The following RMDN2 variants were observed in gnomAD, a reference collection of about 807,000 sequenced individuals.
RMDN2 encodes regulator of microtubule dynamics 2.
In RMDN2, 61 loss-of-function variants were observed where a neutral mutation model predicts 52.8. The observed-to-expected ratio is 1.16, with a 90% CI of 0.94 to 1.43. RMDN2 has a LOEUF of 1.43. RMDN2 is among the 40% of genes most tolerant of loss of function. The pLI is 0.00. For missense variants in RMDN2, 592 were observed against 475.3 expected (o/e 1.25, Z -2.28); for synonymous variants, 180 against 153.1 (o/e 1.18, Z -1.30).
intron 10 of RMDN2, among the ~76,000 whole-genome samples, chr2:38,008,199 A>G (rs1401018892): frequency 6.6e-6 from 1 of 152,040 alleles, no homozygotes; most frequent in Non-Finnish European, 1.5e-5. Context: ...TGGGGTGGAG[A>G]GTTCTGTAGA....
intron 2 of RMDN2, among the ~76,000 whole-genome samples, chr2:37,961,029 T>C (rs919929466): frequency 5.3e-5 from 8 of 152,250 alleles, no homozygotes; most frequent in Admixed American, 3.9e-4. Flanking sequence ...CACTCTTTTC[T>C]GGCTTGTAGG....
At chr2:38,059,111 G>A (rs192639769) in intron 10 of RMDN2, among the ~76,000 whole-genome samples, 183 of 152,284 alleles carry the variant, frequency 1.2e-3, no homozygotes, top group African/African-American at 4.0e-3. Flanking sequence ...TGATGGAAGC[G>A]TTTTATATCT....
chr2:38,022,338 C>CT (rs1679447504), downstream of RMDN2, among the ~76,000 whole-genome samples: 6 of 152,182 alleles, frequency 3.9e-5, no homozygotes, highest in Admixed American at 3.9e-4. Flanking sequence ...CATGGGGAAT[C>CT]TCGTTTTCTA....
At chr2:38,011,160 A>AATTCAC in intron 10 of RMDN2, among the ~76,000 whole-genome samples, 1 of 152,342 alleles carries the variant, frequency 6.6e-6, no homozygotes, top group Non-Finnish European at 1.5e-5. Context: ...CTCAGTCCTC[A>AATTCAC]ATTCACAGCA....
chr2:38,032,574 T>C (rs1680285276), intron 10 of RMDN2, among the ~76,000 whole-genome samples: 1 of 152,232 alleles, frequency 6.6e-6, no homozygotes, highest in African/African-American at 2.4e-5. Flanking sequence ...GCACAGTGGC[T>C]CATGCCTGTA....
At chr2:38,038,164 A>G (rs1423295186) in intron 10 of RMDN2, among the ~76,000 whole-genome samples, 1 of 151,962 alleles carries the variant, frequency 6.6e-6, no homozygotes, top group Non-Finnish European at 1.5e-5. Context: ...AGCCAGCAAA[A>G]ATCTCAAGCC....
intron 10 of RMDN2, among the ~76,000 whole-genome samples, chr2:38,008,869 T>G (rs1233083172): frequency 1.3e-5 from 2 of 152,248 alleles, no homozygotes; most frequent in African/African-American, 4.8e-5. Flanking sequence ...TGTTGAGTGC[T>G]TCCTTCAGGA....
intron 8 of RMDN2, among the ~76,000 whole-genome samples, chr2:38,001,898 C>G (rs1281254235): frequency 1.3e-5 from 2 of 152,192 alleles, no homozygotes; most frequent in African/African-American, 4.8e-5. Flanking sequence ...GAACCAGAAT[C>G]CATGGATGCC....
intron 2 of RMDN2, among the ~76,000 whole-genome samples, chr2:37,966,303 G>A (rs1309352704): frequency 2.6e-5 from 4 of 152,030 alleles, no homozygotes; most frequent in Non-Finnish European, 5.9e-5. Flanking sequence ...TGTAGTCCCA[G>A]CTACTTGGGA....
At chr2:38,019,831 G>A (rs951909017), downstream of RMDN2, among the ~76,000 whole-genome samples, 4 of 152,102 alleles carry the variant, frequency 2.6e-5, no homozygotes, top group African/African-American at 9.7e-5. Flanking sequence ...AGGCTGAGGT[G>A]GGAGGATTAC....
In RMDN2 at chr2:37,982,307, T is replaced by G. The variant is rs529135420; in HGVS notation, c.791+964T>G. ...AGCAGGGGGAGCTCCACTCACAAAC[T>G]CTCACTTAAAATTCCCTGGGGAGGA... On this transcript the variant is annotated intron_variant, in intron 5 of 10. Transcript: ENST00000354545. 2.0e-4 allele frequency among the ~76,000 whole-genome samples: 31 copies of G among 152,262 alleles called. No individual in the cohort carries two copies. The South Asian group carries it at 2.5e-3, about 12-fold the overall frequency.
chr2:38,001,570 G>C (rs1676327126), intron 8 of RMDN2, among the ~76,000 whole-genome samples: 1 of 152,180 alleles, frequency 6.6e-6, no homozygotes, highest in African/African-American at 2.4e-5. Context: ...CTAAACATGG[G>C]TGTTAAGCTA....
At chr2:38,054,812 A>G (rs1415562216) in intron 10 of RMDN2, among the ~76,000 whole-genome samples, 1 of 152,124 alleles carries the variant, frequency 6.6e-6, no homozygotes, top group Admixed American at 6.6e-5. Context: ...TGGACACCTC[A>G]CTACTGGACC....
intron 10 of RMDN2, among the ~76,000 whole-genome samples, chr2:38,059,343 G>C (rs1472957800): frequency 6.6e-6 from 1 of 152,176 alleles, no homozygotes; most frequent in Non-Finnish European, 1.5e-5. Flanking sequence ...TATTTGGGCA[G>C]TGATCATACC....
intron 2 of RMDN2, among the ~76,000 whole-genome samples, chr2:37,942,646 A>G (rs999176500): frequency 6.6e-6 from 1 of 152,146 alleles, no homozygotes; most frequent in Non-Finnish European, 1.5e-5. Context: ...TTATTTTTCA[A>G]TTTGTATTTC....
intron 10 of RMDN2, among the ~76,000 whole-genome samples, chr2:38,063,710 AAAAC>A (rs1213220697): frequency 7.9e-5 from 12 of 152,260 alleles, no homozygotes; most frequent in African/African-American, 2.4e-4. Context: ...TTACAAGAAA[AAAAC>A]AAACAACCCC....
At chr2:37,998,763 CT>C (rs1675919477) in intron 8 of RMDN2, among the ~76,000 whole-genome samples, 1 of 152,066 alleles carries the variant, frequency 6.6e-6, no homozygotes, top group Non-Finnish European at 1.5e-5. Flanking sequence ...CTGTACATTT[CT>C]TATTTTTTAT....
chr2:38,063,031 G>A (rs1488029265), intron 10 of RMDN2, among the ~76,000 whole-genome samples: 1 of 152,048 alleles, frequency 6.6e-6, no homozygotes, highest in Non-Finnish European at 1.5e-5. Context: ...TGGACATTTG[G>A]GTTGGTTCCA....
At chr2:37,965,123 C>T (rs1424828852) in intron 2 of RMDN2, among the ~76,000 whole-genome samples, 1 of 152,004 alleles carries the variant, frequency 6.6e-6, no homozygotes, top group African/African-American at 2.4e-5. Flanking sequence ...GTTTTTAGAT[C>T]AAAAATTAGT....
Sources: gnomAD v4.1 joint callset for allele counts (sites outside exome capture counted in the v4.1 genomes callset) on GRCh38, gnomAD v4.1.1 for gene constraint, MANE v1.5 for transcripts, NCBI Gene and HGNC (gene_info 2026-07-23, HGNC 2026-07-21) for gene names.